URB1: variants seen among roughly 807,000 people sequenced by gnomAD.
The protein encoded by URB1 is nucleolar pre-ribosomal-associated protein 1.
A neutral mutation model predicts 242.3 loss-of-function variants in URB1; 197 were observed. That is an observed-to-expected ratio of 0.81 (90% CI 0.72 to 0.91). The LOEUF (loss-of-function observed/expected upper bound fraction) is 0.91, where lower values mean the gene tolerates loss of function less well. Among genes scored for constraint, URB1 ranks in the 40% least tolerant of loss-of-function variants. The probability of loss-of-function intolerance (pLI) is 0.00; values close to 1 mark genes in which losing one functional copy is unlikely to be tolerated. For synonymous variants in URB1, 1,153 were observed against 1,201.8 expected (o/e 0.96, Z 0.84); for missense variants, 2,721 against 2,860.5 (o/e 0.95, Z 1.11).
chr21:32,361,183 G>GAAAGAAAGAAACAAAGAAAC, intron 12 of URB1, 60 bp from the exon 13 acceptor site: 1 of 810,288 alleles, frequency 1.2e-6, no homozygotes, highest in Non-Finnish European at 1.9e-6. Context: ...AAGAAAGAAA[G>GAAAGAAAGAAACAAAGAAAC]AAAGAAAGAA....
intron 30 of URB1, among the ~76,000 whole-genome samples, chr21:32,330,202 T>C (rs1248243742): frequency 3.2e-5 from 4 of 124,478 alleles, no homozygotes; most frequent in African/African-American, 1.6e-4. Flanking sequence ...GGAGTGTTTT[T>C]TTTTTTTTTT....
chr21:32,373,527 A>G (rs2033427379), intron 7 of URB1, 120 bp downstream of exon 7: 1 of 1,189,796 alleles, frequency 8.4e-7, no homozygotes, highest in African/African-American at 1.6e-5. Flanking sequence ...ACCACAGTCA[A>G]AAGAAACAGA....
chr21:32,375,537 T>A, intron 5 of URB1, 54 bp from the exon 6 acceptor site: 1 of 1,108,756 alleles, frequency 9.0e-7, no homozygotes, highest in Non-Finnish European at 1.3e-6. Context: ...AAAATGAGAA[T>A]AGACGAGAGA....
Position 32,355,446 on chromosome 21 carries a change from T to TA in URB1, c.2106+2dup. 1 of 1,550,898 alleles carries TA rather than the reference T, an allele frequency of 6.4e-7. No homozygotes were observed. Among genetic ancestry groups the TA allele is most frequent in the Non-Finnish European group, 8.7e-7 (1 of 1,146,106 alleles). On this transcript the variant is annotated splice_region_variant and intron_variant, in intron 16 of 38. Coordinates refer to ENST00000382751, the MANE Select transcript of URB1 (RefSeq NM_014825.3). ...TTCCTTTATGTGGGAAATATGTGCT[T>TA]ACGCGTTCCAGAAACTGAATCACAG...
rs1262432870 is a variant in URB1 at position 32,345,520 on chromosome 21, G to A, written c.3924C>T (p.Ser1308=). Residue 1308 remains serine, a synonymous_variant, in exon 23 of 39, where the codon AGC becomes AGT. Transcript: ENST00000382751. ...LRKTLWRQLQ[S]RLLSTDSPPA... ...GGGGACTGTCAGTGCTAAGAAGCCT[G>A]CTCTGTAGCTGCCTCCACAGGGTCT... 1 of 1,550,726 alleles carries A rather than the reference G, an allele frequency of 6.4e-7. No individual in the cohort carries two copies. Among genetic ancestry groups the A allele is most frequent in the African/African-American group, 1.4e-5 (1 of 73,020 alleles).
chr21:32,314,643 G>C lies in URB1; in HGVS notation c.*275C>G. Reference sequence around the variant, plus strand: ...GAGCTCCAAGCCCCTAGAGAGGAAGGGGCGGCCTGACGAGGCACTGGATGG... The same window carrying C: ...GAGCTCCAAGCCCCTAGAGAGGAAGCGGCGGCCTGACGAGGCACTGGATGG... On this transcript the variant is annotated 3_prime_UTR_variant, in exon 39 of 39. Coordinates refer to ENST00000382751, the MANE Select transcript of URB1 (RefSeq NM_014825.3). 6.2e-7 allele frequency: 1 copy of C among 1,614,206 alleles called. No individual in the cohort carries two copies. Among genetic ancestry groups the C allele is most frequent in the Middle Eastern group, 1.6e-4 (1 of 6,062 alleles).
chr21:32,366,203 A>G lies in URB1; in HGVS notation c.1335+415T>C, dbSNP rs116697607. 5.4e-3 allele frequency among the ~76,000 whole-genome samples: 820 copies of G among 152,354 alleles called. 5 individuals carry two copies. Among genetic ancestry groups the G allele is most frequent in the African/African-American group, 0.019 (792 of 41,582 alleles). ...TCTTAACACCATTCATCTAAACCAT[A>G]AAAGAAAGAATTTGCTAGGCAAATT... is the stretch of plus-strand genomic sequence containing the variant. On this transcript the variant is annotated intron_variant, in intron 10 of 38. Transcript: ENST00000382751.
Position 32,311,402 on chromosome 21 carries a change from C to A in URB1, c.*3516G>T. 2.3e-6 allele frequency: 1 copy of A among 438,916 alleles called. No homozygotes were observed. Among genetic ancestry groups the A allele is most frequent in the Non-Finnish European group, 4.1e-6 (1 of 243,852 alleles). The allele number at this position is 438,916 out of a possible 1,614,324, so 27.2% of individuals were successfully genotyped here. On this transcript the variant is annotated 3_prime_UTR_variant, in exon 39 of 39. Transcript: ENST00000382751. The stretch of plus-strand genomic sequence containing the variant: ...CGCTGGATGGGAGGTCAACCTGCTC[C>A]CCTCCACCCCCCACCCCCCCCATCC...
intron 30 of URB1, among the ~76,000 whole-genome samples, chr21:32,329,867 G>A (rs537753869): frequency 1.6e-4 from 24 of 152,324 alleles, no homozygotes; most frequent in Middle Eastern, 6.8e-3. Context: ...TGTAACATGG[G>A]ATAGATGCAG....
intron 1 of URB1, among the ~76,000 whole-genome samples, chr21:32,390,638 A>G (rs1267236395): frequency 1.3e-5 from 2 of 152,196 alleles, no homozygotes; most frequent in Non-Finnish European, 2.9e-5. Context: ...TAGATCCATC[A>G]GAGAAATGCA....
intron 5 of URB1, among the ~76,000 whole-genome samples, chr21:32,378,007 C>G (rs1293470050): frequency 6.6e-6 from 1 of 152,208 alleles, no homozygotes; most frequent in Admixed American, 6.5e-5. Flanking sequence ...AGTTGGAATT[C>G]TCTGAAGCCC....
rs1344287062 is a variant in URB1, at chr21:32,313,065, T to G, written c.*1853A>C. ...AGAAAAGAAGGTGAGGTGCTGAAAA[T>G]GTGTCCTCACTTGACTGAGCTGGAA... On this transcript the variant is annotated 3_prime_UTR_variant, in exon 39 of 39. Coordinates refer to ENST00000382751, the MANE Select transcript of URB1 (RefSeq NM_014825.3). 4 of 152,186 alleles carry G rather than the reference T, an allele frequency of 2.6e-5. No individual in the cohort carries two copies. The highest frequency in any genetic ancestry group is 5.9e-5 in the Non-Finnish European group (4 of 68,062). The allele number at this position is 152,186 out of a possible 1,614,324, so 9.4% of individuals were successfully genotyped here.
In URB1 at chr21:32,361,032, G is replaced by C. The variant is rs1173243720; in HGVS notation, c.1731C>G (p.Asn577Lys). The C allele has an allele frequency of 3.2e-6, 5 of 1,550,458 alleles. No homozygotes were observed. The highest frequency in any genetic ancestry group is 2.4e-5 in the East Asian group (1 of 40,910). The stretch of plus-strand genomic sequence containing the variant: ...CTTTCAGGAGCTTGCTGAAGTCAAA[G>C]TTGTACTGCATGACCACGTGGGGGA... ...KVVPHVVMQY[N>K]FDFSKLLKGV... The change falls in exon 13 of 39, where the codon AAC (asparagine) becomes AAG (lysine). Residue 577 changes from asparagine to lysine, a missense_variant. Asn to Lys is a moderately conservative substitution (Grantham distance 94, BLOSUM62 0). Coordinates refer to ENST00000382751, the MANE Select transcript of URB1 (RefSeq NM_014825.3).
chr21:32,349,106 C>T (rs1229735057), intron 21 of URB1, among the ~76,000 whole-genome samples, 198 bp downstream of exon 21: 2 of 152,266 alleles, frequency 1.3e-5, no homozygotes, highest in Non-Finnish European at 2.9e-5. Flanking sequence ...TGACTGTACA[C>T]AGAAAAGCAA....
rs117017659 is a variant in URB1, at chr21:32,311,196, C to T, written c.*3722G>A. On this transcript the variant is annotated 3_prime_UTR_variant, in exon 39 of 39. Transcript: ENST00000382751. ...TCAGATCTCATGAGACTTACTATCA[C>T]GAGAACAGCATGGGAAGACCCGCCC... 36 of 162,458 alleles carry T rather than the reference C, an allele frequency of 2.2e-4. No homozygotes were observed. The highest frequency in any genetic ancestry group is 3.8e-4 in the Non-Finnish European group (28 of 74,180). The allele number at this position is 162,458 out of a possible 1,614,324, so 10.1% of individuals were successfully genotyped here. A position where few individuals can be genotyped will look rare whatever the true frequency, so the allele number is the denominator to read the frequency against.
chr21:32,320,859 C>T lies in URB1; in HGVS notation c.5485-219G>A, dbSNP rs556247631. Among the ~76,000 whole-genome samples the T allele has an allele frequency of 7.9e-5, 12 of 152,320 alleles. 1 individual carries two copies. Among genetic ancestry groups the T allele is most frequent in the South Asian group, 2.1e-4 (1 of 4,832 alleles). ...AGACTTCCACAGCAATCTCTGGGCCCGGGGATCCCCACTTCCGTTAATCCA... is the reference window on the plus strand; with the variant it reads ...AGACTTCCACAGCAATCTCTGGGCCTGGGGATCCCCACTTCCGTTAATCCA... On this transcript the variant is annotated intron_variant, in intron 34 of 38. Transcript: ENST00000382751.
chr21:32,347,179 C>A lies in URB1; in HGVS notation c.3645G>T (p.Gly1215=), dbSNP rs1378123920. Residue 1215 remains glycine, a synonymous_variant, in exon 22 of 39, where the codon GGG becomes GGT. Coordinates refer to ENST00000382751, the MANE Select transcript of URB1 (RefSeq NM_014825.3). ...QRDPVLAPAV[G]ADLLDYCLAR... ...CCAGGCAGTAGTCAAGCAGATCAGCCCCGACTGCGGGGGCCAGCACAGGGT... is the reference window on the plus strand; with the variant it reads ...CCAGGCAGTAGTCAAGCAGATCAGCACCGACTGCGGGGGCCAGCACAGGGT... The A allele has an allele frequency of 2.5e-5, 38 of 1,549,532 alleles. No homozygotes were observed. Among genetic ancestry groups the A allele is most frequent in the Non-Finnish European group, 3.3e-5 (38 of 1,146,540 alleles).
At chr21:32,315,165 GC>G in intron 38 of URB1, 66 bp from the exon 39 acceptor site, 1 of 1,413,234 alleles carries the variant, frequency 7.1e-7, no homozygotes, top group Middle Eastern at 1.8e-4. Flanking sequence ...AGGTCATCCT[GC>G]CCACAATGCA....
At chr21:32,316,167 C>T (rs930879387) in intron 38 of URB1, among the ~76,000 whole-genome samples, 1 of 72 alleles carries the variant, frequency 0.014, no homozygotes, top group African/African-American at 0.056. Flanking sequence ...GGTCAGAAAC[C>T]CATTGCCTGC....
Sources: allele counts gnomAD v4.1 joint callset (sites outside exome capture counted in the v4.1 genomes callset), GRCh38; gene constraint gnomAD v4.1.1; transcripts MANE v1.5; gene names NCBI Gene and HGNC (gene_info 2026-07-23, HGNC 2026-07-21).